SLC4A10: variants seen among roughly 807,000 people sequenced by gnomAD.
SLC4A10 encodes the protein sodium-driven chloride bicarbonate exchanger.
SLC4A10 carries 42 observed loss-of-function variants against 137.7 expected under a neutral mutation model. That is an observed-to-expected ratio of 0.30 (90% CI 0.24 to 0.39). The LOEUF (loss-of-function observed/expected upper bound fraction) is 0.39, where lower values mean the gene tolerates loss of function less well. Ranked by LOEUF, SLC4A10 falls within the 10% of genes least tolerant of loss-of-function variation. SLC4A10 has a pLI of 1.00. For synonymous variants in SLC4A10, 474 were observed against 464.1 expected, an observed-to-expected ratio of 1.02 and a Z score of -0.27; for missense variants, 925 against 1,355.0, an observed-to-expected ratio of 0.68 and a Z score of 4.98.
chr2:161,744,086 CTATT>C (rs1447574089), intron 1 of SLC4A10, among the ~76,000 whole-genome samples: 1 of 151,996 alleles, frequency 6.6e-6, no homozygotes, highest in Non-Finnish European at 1.5e-5. Context: ...AAGGATAATT[CTATT>C]TATTCCTTTC....
chr2:161,645,378 A>T (rs73971345), intron 1 of SLC4A10, among the ~76,000 whole-genome samples: 4,405 of 152,166 alleles, frequency 0.029, 230 homozygotes, highest in African/African-American at 0.1. Context: ...AGTCAGGGTT[A>T]CACCTATATA....
intron 1 of SLC4A10, among the ~76,000 whole-genome samples, chr2:161,750,755 AGTGTT>A (rs1254073259): frequency 6.6e-6 from 1 of 151,598 alleles, no homozygotes; most frequent in Non-Finnish European, 1.5e-5. Context: ...TTTGGTCTGT[AGTGTT>A]AAGTTTGTTG....
chr2:161,673,051 A>G (rs1207282032), intron 1 of SLC4A10, among the ~76,000 whole-genome samples: 2 of 152,194 alleles, frequency 1.3e-5, no homozygotes, highest in African/African-American at 4.8e-5. Flanking sequence ...CTGCACTGGG[A>G]AACTGCGCCA....
intron 1 of SLC4A10, among the ~76,000 whole-genome samples, chr2:161,722,855 G>C (rs185283021): frequency 7.2e-5 from 11 of 152,280 alleles, no homozygotes; most frequent in Non-Finnish European, 1.3e-4. Flanking sequence ...ATTTCTCTCT[G>C]TAAACGCCTG....
At chr2:161,746,744 C>T (rs2048424937) in intron 1 of SLC4A10, among the ~76,000 whole-genome samples, 1 of 152,066 alleles carries the variant, frequency 6.6e-6, no homozygotes. Flanking sequence ...AAGGAAACTG[C>T]CACCTGGCTT....
At chr2:161,760,889 A>G (rs779608791) in intron 1 of SLC4A10, among the ~76,000 whole-genome samples, 4 of 151,874 alleles carry the variant, frequency 2.6e-5, no homozygotes, top group Admixed American at 2.6e-4. Context: ...TGGTATATAT[A>G]TAACATACAT....
intron 1 of SLC4A10, among the ~76,000 whole-genome samples, chr2:161,678,445 G>A (rs2040494096): frequency 6.6e-6 from 1 of 152,116 alleles, no homozygotes; most frequent in Non-Finnish European, 1.5e-5. Flanking sequence ...GCCAAAGTGA[G>A]AGACGACACG....
At chr2:161,681,316 C>T (rs2040826229) in intron 1 of SLC4A10, among the ~76,000 whole-genome samples, 1 of 152,094 alleles carries the variant, frequency 6.6e-6, no homozygotes, top group African/African-American at 2.4e-5. Context: ...ATTCATCCAG[C>T]TAGAATCAGA....
chr2:161,698,127 A>C (rs2042737897), intron 1 of SLC4A10, among the ~76,000 whole-genome samples: 1 of 152,172 alleles, frequency 6.6e-6, no homozygotes, highest in Admixed American at 6.5e-5. Flanking sequence ...TTGGTGTATA[A>C]GAATGCTTGT....
chr2:161,941,144 A>G (rs990863452), intron 15 of SLC4A10, among the ~76,000 whole-genome samples: 6 of 152,170 alleles, frequency 3.9e-5, no homozygotes, highest in Non-Finnish European at 7.3e-5. Flanking sequence ...GAAAACAACA[A>G]TGTTCCTAAC....
chr2:161,679,337 T>C (rs1574299243), intron 1 of SLC4A10, among the ~76,000 whole-genome samples: 1 of 152,142 alleles, frequency 6.6e-6, no homozygotes, highest in Non-Finnish European at 1.5e-5. Flanking sequence ...AATCTTTTTA[T>C]TTAGTAAATA....
chr2:161,640,558 A>G (rs2035125216), intron 1 of SLC4A10, among the ~76,000 whole-genome samples: 1 of 151,936 alleles, frequency 6.6e-6, no homozygotes, highest in African/African-American at 2.4e-5. Context: ...TTTGTTTGCT[A>G]TCAGTATTTC....
intron 1 of SLC4A10, among the ~76,000 whole-genome samples, chr2:161,712,599 A>G (rs1248159443): frequency 2.0e-5 from 3 of 151,860 alleles, no homozygotes; most frequent in Non-Finnish European, 4.4e-5. Flanking sequence ...AATGCTACAT[A>G]TATAAGTAGA....
In SLC4A10 at chr2:161,659,868, T is replaced by C. The variant is rs549756756; in HGVS notation, c.48+35302T>C. On this transcript the variant is annotated intron_variant, in intron 1 of 26. Coordinates refer to ENST00000446997, the MANE Select transcript of SLC4A10 (RefSeq NM_001178015.2). Reference sequence around the variant, plus strand: ...TATATGCTACGATATGAATGAACCATAAAACATTATGTTAAGTGAAAGAAG... The same window carrying C: ...TATATGCTACGATATGAATGAACCACAAAACATTATGTTAAGTGAAAGAAG... Among the ~76,000 whole-genome samples, 6 of 152,286 alleles carry C rather than the reference T, an allele frequency of 3.9e-5. No individual in the cohort carries two copies. In the South Asian group the frequency reaches 8.3e-4, roughly 21 times the overall value.
At chr2:161,841,234 C>A (rs144633705) in intron 4 of SLC4A10, among the ~76,000 whole-genome samples, 2 of 151,964 alleles carry the variant, frequency 1.3e-5, no homozygotes, top group South Asian at 2.1e-4. Context: ...TCTGCCACCG[C>A]GCCCAGCTAA....
chr2:161,732,888 G>A (rs1384467232), intron 1 of SLC4A10, among the ~76,000 whole-genome samples: 1 of 152,218 alleles, frequency 6.6e-6, no homozygotes, highest in Non-Finnish European at 1.5e-5. Context: ...GTAGCAAAGA[G>A]ACTGGCGGCA....
At chr2:161,977,426 G>C (rs567009876) in intron 25 of SLC4A10, 58 of 491,682 alleles carry the variant, frequency 1.2e-4, no homozygotes, top group South Asian at 9.4e-4. Flanking sequence ...TCCTGTAGTT[G>C]TGGATGGTAG....
At chr2:161,650,264 G>A (rs1364629630) in intron 1 of SLC4A10, among the ~76,000 whole-genome samples, 1 of 152,248 alleles carries the variant, frequency 6.6e-6, no homozygotes, top group African/African-American at 2.4e-5. Context: ...TGCATGATTA[G>A]ACTGGGGTTA....
At chr2:161,624,596 A>C (rs1489146670) in intron 1 of SLC4A10, 30 bp downstream of exon 1, 1 of 1,551,546 alleles carries the variant, frequency 6.4e-7, no homozygotes, top group East Asian at 2.4e-5. Context: ...CACATAGATT[A>C]ACCGCGTTTG....
Sources: allele counts gnomAD v4.1 joint callset (sites outside exome capture counted in the v4.1 genomes callset), GRCh38; gene constraint gnomAD v4.1.1; transcripts MANE v1.5; gene names NCBI Gene and HGNC (gene_info 2026-07-23, HGNC 2026-07-21).